PDZD7: variants seen among roughly 807,000 people sequenced by gnomAD.
PDZD7 encodes PDZ domain-containing protein 7.
A neutral mutation model predicts 84.7 loss-of-function variants in PDZD7; 72 were observed. That is an observed-to-expected ratio of 0.85 (90% CI 0.70 to 1.03). PDZD7 has a LOEUF of 1.03. Ranked by LOEUF, PDZD7 falls within the 50% of genes least tolerant of loss-of-function variation. The pLI, the probability that PDZD7 is intolerant of heterozygous loss-of-function variation, is 0.00. For missense variants in PDZD7, 1,490 were observed against 1,412.9 expected, an observed-to-expected ratio of 1.05 and a Z score of -0.87; for synonymous variants, 594 against 580.7, an observed-to-expected ratio of 1.02 and a Z score of -0.33.
In PDZD7 at chr10:101,015,830, CA is replaced by C. The variant is rs1487059465; in HGVS notation, c.1574-20del. The C allele has an allele frequency of 1.9e-6, 3 of 1,540,672 alleles. No individual in the cohort carries two copies. The highest frequency in any genetic ancestry group is 2.7e-5 in the African/African-American group (2 of 72,814). ...TCCTGGTCTGCAGGGCAGGAACCAT[CA>C]GGGGAGGGGAGAGGGGCTTCCCTCA... On this transcript the variant is annotated intron_variant, in intron 10 of 16. Transcript: ENST00000619208.
At chr10:101,019,304 G>A in intron 7 of PDZD7, 87 bp from the exon 8 acceptor site, 4 of 1,493,558 alleles carry the variant, frequency 2.7e-6, no homozygotes, top group Non-Finnish European at 3.6e-6. Context: ...TAGGGGTGGA[G>A]GAGGCAAGGT....
intron 2 of PDZD7, among the ~76,000 whole-genome samples, chr10:101,025,723 A>G (rs1937649483): frequency 6.7e-6 from 1 of 149,894 alleles, no homozygotes; most frequent in Non-Finnish European, 1.5e-5. Flanking sequence ...AATTTTTTGT[A>G]TTTTTAGTAG....
At chr10:101,022,053 C>T (rs1853139150) in intron 5 of PDZD7, 108 bp from the exon 6 acceptor site, 1 of 1,564,500 alleles carries the variant, frequency 6.4e-7, no homozygotes, top group Admixed American at 1.9e-5. Flanking sequence ...AGGTCCTTGA[C>T]CCTCCTACTG....
intron 12 of PDZD7, 53 bp from the exon 13 acceptor site, chr10:101,012,069 T>G: frequency 6.5e-7 from 1 of 1,541,386 alleles, no homozygotes. Flanking sequence ...GGATTTCAGT[T>G]CCGGAGGTGC....
At position 101,010,550 on chromosome 10, in the gene PDZD7, C is replaced by T; in HGVS notation, c.2339G>A (p.Ser780Asn). ...TTGACCCCGGCTGCTGCGGCTGCGG[C>T]TGCGGCTACGGCTGCGGCTACGGCT... ...AQSRSRSRSR[S>N]RSRSSRGQGK... The change falls in exon 15 of 17, where the codon AGC becomes AAC. Residue 780 changes from serine (S) to asparagine (N), a missense_variant. Transcript: ENST00000619208. The T allele has an allele frequency of 1.3e-6, 2 of 1,525,928 alleles. No homozygotes were observed. The highest frequency in any genetic ancestry group is 1.8e-6 in the Non-Finnish European group (2 of 1,139,222). 94.5% of individuals were successfully genotyped at this position (1,525,928 alleles called of 1,614,324 possible).
At chr10:101,023,863 C>T in intron 3 of PDZD7, 65 bp downstream of exon 3, 3 of 1,612,006 alleles carry the variant, frequency 1.9e-6, no homozygotes, top group Non-Finnish European at 1.7e-6. Flanking sequence ...AGCAGCATCC[C>T]CTGCCATTCA....
chr10:101,022,090 C>T, intron 5 of PDZD7, 119 bp downstream of exon 5: 3 of 1,561,852 alleles, frequency 1.9e-6, no homozygotes, highest in Non-Finnish European at 2.6e-6. Flanking sequence ...CCCAGGCCCT[C>T]ACTGAGACAG....
intron 15 of PDZD7, 113 bp from the exon 16 acceptor site, chr10:101,009,463 C>T: frequency 2.5e-6 from 2 of 806,978 alleles, no homozygotes; most frequent in Non-Finnish European, 2.1e-6. Context: ...TCTCCCACAT[C>T]CCTACATTCT....
At chr10:101,015,521 A>T in intron 11 of PDZD7, 115 bp downstream of exon 11, 2 of 1,275,728 alleles carry the variant, frequency 1.6e-6, no homozygotes, top group Non-Finnish European at 2.1e-6. Flanking sequence ...TTTACTGACC[A>T]CTAGCCTCCT....
intron 9 of PDZD7, among the ~76,000 whole-genome samples, chr10:101,016,749 G>GGGCCT (rs1318026847): frequency 6.6e-6 from 1 of 152,182 alleles, no homozygotes; most frequent in Non-Finnish European, 1.5e-5. Context: ...AGGGGACAGA[G>GGGCCT]GGAAAAAGAG....
rs2134022986 is a variant in PDZD7, at chr10:101,015,808, T to C, written c.1577A>G (p.Gln526Arg). Residue 526 changes from glutamine to arginine, a missense_variant, in exon 11 of 17, where the codon CAG (glutamine) becomes CGG (arginine). Physicochemically the swap from Gln to Arg is conservative, Grantham distance 43 (BLOSUM62 1). Coordinates refer to ENST00000619208, the MANE Select transcript of PDZD7 (RefSeq NM_001195263.2). ...AGACAGCAGGGCCCGGCCCCTCTCC[T>C]GGTCTGCAGGGCAGGAACCATCAGG... ...KFVTWRLRRD[Q>R]ERGRALLSAR... 2 of 1,547,876 alleles carry C rather than the reference T, an allele frequency of 1.3e-6. No individual in the cohort carries two copies. The highest frequency in any genetic ancestry group is 8.7e-7 in the Non-Finnish European group (1 of 1,145,974).
rs1433621407 is a variant in PDZD7, at chr10:101,018,131, G to A, written c.1490C>T (p.Ala497Val). ...EAWTLDSGSL[A>V]KTYPRLDIEK... is the part of the protein sequence containing the mutation. ...TATGTCCAGGCGAGGGTAAGTTTTG[G>A]CCAGGCTCCCGCTGTCCAGTGTCCA... is the stretch of plus-strand genomic sequence containing the variant. The change falls in exon 9 of 17, where the codon GCC (alanine) becomes GTC (valine). Residue 497 changes from alanine to valine, a missense_variant. Coordinates refer to ENST00000619208, the MANE Select transcript of PDZD7 (RefSeq NM_001195263.2). The A allele has an allele frequency of 6.2e-7, 1 of 1,614,124 alleles. No individual in the cohort carries two copies. Among genetic ancestry groups the A allele is most frequent in the East Asian group, 2.2e-5 (1 of 44,874 alleles).
intron 15 of PDZD7, among the ~76,000 whole-genome samples, chr10:101,009,582 ATT>A (rs367606982): frequency 1.0e-5 from 1 of 97,198 alleles, no homozygotes; most frequent in East Asian, 2.5e-4. Flanking sequence ...TTATTTATTT[ATT>A]TTTTGAGACA....
rs953860731 is a variant in PDZD7 at position 101,016,459 on chromosome 10, C to T, written c.1523-32G>A. The T allele has an allele frequency of 2.2e-5, 34 of 1,550,038 alleles. No homozygotes were observed. The Admixed American group carries it at 6.7e-4, about 30-fold the overall frequency. On this transcript the variant is annotated intron_variant, in intron 9 of 16. Coordinates refer to ENST00000619208, the MANE Select transcript of PDZD7 (RefSeq NM_001195263.2). ...AGAAGAAAGAGGCTCAGCTGCAGGC[C>T]TTGGCCCCCAGTCTGAAAATGGGGT...
At chr10:101,013,413 G>A (rs1392831929) in intron 11 of PDZD7, among the ~76,000 whole-genome samples, 2 of 152,194 alleles carry the variant, frequency 1.3e-5, no homozygotes, top group African/African-American at 4.8e-5. Context: ...ACAAACCATG[G>A]GCAATGGGGC....
chr10:101,025,844 G>A (rs1263779259), intron 2 of PDZD7, among the ~76,000 whole-genome samples: 1 of 152,140 alleles, frequency 6.6e-6, no homozygotes, highest in Non-Finnish European at 1.5e-5. Flanking sequence ...ACCACACCCG[G>A]CCAATGGAAG....
At chr10:101,025,141 TAGAC>T (rs753628983) in intron 2 of PDZD7, among the ~76,000 whole-genome samples, 3 of 152,238 alleles carry the variant, frequency 2.0e-5, no homozygotes, top group Non-Finnish European at 2.9e-5. Flanking sequence ...ACAGTGGAAT[TAGAC>T]AGAGGCAGAT....
Position 101,018,855 on chromosome 10 carries a change from T to TG in PDZD7, c.1290dup (p.Ile431HisfsTer95). The TG allele has an allele frequency of 6.2e-7, 1 of 1,603,536 alleles. No individual in the cohort carries two copies. On this transcript the variant is annotated frameshift_variant, in exon 8 of 17. Transcript: ENST00000619208. LOFTEE classifies it high-confidence loss of function. Reference sequence around the variant, plus strand: ...GTCAGATAGCTCTGGGAGCGCGTGATGGGGGGCCGGGGTCGGCTGAGGGCC... The same window carrying TG: ...GTCAGATAGCTCTGGGAGCGCGTGATGGGGGGGCCGGGGTCGGCTGAGGGCC...
At chr10:101,030,475 C>T (rs1452420765) in intron 1 of PDZD7, 91 bp from the exon 2 acceptor site, 7 of 632,342 alleles carry the variant, frequency 1.1e-5, no homozygotes, top group Non-Finnish European at 2.0e-5. Flanking sequence ...TTTAAGCATC[C>T]TGCCCTCCCA....
Sources: allele counts gnomAD v4.1 joint callset (sites outside exome capture counted in the v4.1 genomes callset), GRCh38; gene constraint gnomAD v4.1.1; transcripts MANE v1.5; gene names NCBI Gene and HGNC (gene_info 2026-07-23, HGNC 2026-07-21).